Variants in COL5A1 observed in about 807,000 individuals in gnomAD.
The protein encoded by COL5A1 is collagen type V alpha 1 chain.
Under a neutral mutation model 263.7 loss-of-function variants are expected in COL5A1, and 16 were observed. The ratio of observed to expected loss-of-function variants is 0.06; its 90% CI spans 0.04 to 0.09. COL5A1 has a LOEUF of 0.09. Ranked by LOEUF, COL5A1 falls within the 10% of genes least tolerant of loss-of-function variation. COL5A1 has a pLI of 1.00. For synonymous variants in COL5A1, 1,012 were observed against 1,004.5 expected (o/e 1.01, Z -0.14); for missense variants, 2,036 against 2,540.5 (o/e 0.80, Z 4.27).
intron 4 of COL5A1, among the ~76,000 whole-genome samples, chr9:134,715,260 G>A (rs529729524): frequency 6.6e-6 from 1 of 152,258 alleles, no homozygotes; most frequent in East Asian, 1.9e-4. Context: ...ATACATAAAC[G>A]TATCTGGTGC....
In COL5A1 at chr9:134,789,043, G is replaced by A. The variant is rs186436448; in HGVS notation, c.2647-112G>A. The A allele has an allele frequency of 1.8e-4, 167 of 905,960 alleles. No individual in the cohort carries two copies. In the African/African-American group the frequency reaches 2.5e-3, roughly 14 times the overall value. 56.1% of individuals were successfully genotyped at this position (905,960 alleles called of 1,614,324 possible). ...GGGTGGTTGGGTGGGTGGGCAGGTG[G>A]AGTCTGGGGCAGAGGCTGTGCACTG... is the stretch of plus-strand genomic sequence containing the variant. On this transcript the variant is annotated intron_variant, in intron 31 of 65. Coordinates refer to ENST00000371817, the MANE Select transcript of COL5A1 (RefSeq NM_000093.5). This position sits in a 1 kb window ranked among gnomAD's most constrained non-coding sequence, Gnocchi z 4.8.
intron 18 of COL5A1, among the ~76,000 whole-genome samples, chr9:134,759,889 GCACA>G (rs1182466684): frequency 4.9e-5 from 3 of 60,832 alleles, no homozygotes; most frequent in African/African-American, 7.0e-5. Context: ...CACCACACAG[GCACA>G]CACACACCCA....
intron 37 of COL5A1, among the ~76,000 whole-genome samples, chr9:134,799,353 G>T (rs1838029537): frequency 6.6e-6 from 1 of 152,250 alleles, no homozygotes; most frequent in Non-Finnish European, 1.5e-5. Flanking sequence ...GGGGCTCCAG[G>T]CTCTGAATAT....
intron 25 of COL5A1, among the ~76,000 whole-genome samples, chr9:134,770,503 A>T (rs770206194): frequency 6.6e-6 from 1 of 152,222 alleles, no homozygotes; most frequent in Non-Finnish European, 1.5e-5. Flanking sequence ...ATACTCCGTG[A>T]CATGAGAAAA....
intron 21 of COL5A1, among the ~76,000 whole-genome samples, 192 bp from the exon 22 acceptor site, chr9:134,766,262 G>C (rs538625230): frequency 6.6e-6 from 1 of 152,274 alleles, no homozygotes; most frequent in African/African-American, 2.4e-5. Flanking sequence ...TTTAGCTGAG[G>C]GTTACTGGGG....
chr9:134,705,748 C>T (rs1833816177), intron 4 of COL5A1, among the ~76,000 whole-genome samples: 1 of 152,150 alleles, frequency 6.6e-6, no homozygotes, highest in African/African-American at 2.4e-5. Flanking sequence ...TGACAATGGG[C>T]CAGAGGTGGC....
chr9:134,715,300 T>A (rs1404959748), intron 4 of COL5A1, among the ~76,000 whole-genome samples: 1 of 152,198 alleles, frequency 6.6e-6, no homozygotes, highest in East Asian at 1.9e-4. Flanking sequence ...CCAGCATGTC[T>A]CACCTCCAGC....
rs140744620 is a variant in COL5A1 at position 134,842,222 on chromosome 9, C to G, written c.5436C>G (p.Ile1812Met). The G allele has an allele frequency of 6.2e-7, 1 of 1,614,206 alleles. No homozygotes were observed. The highest frequency in any genetic ancestry group is 1.3e-5 in the African/African-American group (1 of 75,050). ...IDTPKVEQVP[I>M]VDIMFNDFGE... ...CCCCCAAAGTGGAGCAGGTGCCCAT[C>G]GTGGACATCATGTTCAATGACTTCG... Residue 1812 changes from isoleucine (I) to methionine (M), a missense_variant, in exon 66 of 66, where the codon ATC becomes ATG. This residue lies in a region of COL5A1 where 358 missense variants were observed against 384.6 expected (regional missense o/e 0.93). Coordinates refer to ENST00000371817, the MANE Select transcript of COL5A1 (RefSeq NM_000093.5). This position sits in a 1 kb window ranked among gnomAD's most constrained non-coding sequence, Gnocchi z 5.8.
At chr9:134,831,891 T>C (rs148093754) in intron 64 of COL5A1, among the ~76,000 whole-genome samples, 38 of 152,304 alleles carry the variant, frequency 2.5e-4, no homozygotes, top group Non-Finnish European at 5.0e-4. Flanking sequence ...CAGCTTACTT[T>C]AGGATCTTTC....
At chr9:134,771,739 C>T (rs910542617) in intron 25 of COL5A1, among the ~76,000 whole-genome samples, 17 of 152,158 alleles carry the variant, frequency 1.1e-4, no homozygotes, top group African/African-American at 3.9e-4. Flanking sequence ...AAGCGGGAGG[C>T]CCAGAGAGGG....
intron 1 of COL5A1, among the ~76,000 whole-genome samples, chr9:134,661,353 TCAAGGGGTCCC>T: frequency 6.6e-6 from 1 of 151,640 alleles, no homozygotes; most frequent in South Asian, 2.1e-4. Context: ...CCCAGATCTT[TCAAGGGGTCCC>T]CAAGCAGATG....
At chr9:134,729,075 C>A (rs1009255478) in intron 6 of COL5A1, among the ~76,000 whole-genome samples, 2 of 152,178 alleles carry the variant, frequency 1.3e-5, no homozygotes, top group Non-Finnish European at 2.9e-5. Flanking sequence ...GGCCCCGGTC[C>A]CCACCCTGTA....
At position 134,738,500 on chromosome 9, in the gene COL5A1, C is replaced by G; in HGVS notation, c.1416C>G (p.Gly472=). 1 of 1,614,050 alleles carries G rather than the reference C, an allele frequency of 6.2e-7. No individual in the cohort carries two copies. ...EPGMLIEGPP[G]PEGPAGLPGP... is the part of the protein sequence containing the mutation. ...GCATGCTCATCGAGGGCCCGCCTGG[C>G]CCAGAAGGCCCCGCGGTGAGTATCC... Residue 472 remains glycine, a synonymous_variant, in exon 10 of 66, where the codon GGC becomes GGG. Transcript: ENST00000371817.
chr9:134,703,861 G>C (rs184594743), intron 4 of COL5A1, among the ~76,000 whole-genome samples: 16 of 151,930 alleles, frequency 1.1e-4, no homozygotes, highest in East Asian at 5.8e-4. Context: ...GGATGGTCTC[G>C]ATCTCCTGAC....
chr9:134,748,420 CACACACTT>C (rs1369836386), intron 11 of COL5A1, among the ~76,000 whole-genome samples: 3 of 152,218 alleles, frequency 2.0e-5, no homozygotes, highest in Non-Finnish European at 4.4e-5. Flanking sequence ...CATACATGCA[CACACACTT>C]ACACACATGC....
intron 2 of COL5A1, among the ~76,000 whole-genome samples, chr9:134,698,343 C>T (rs1833556366): frequency 1.3e-5 from 2 of 152,388 alleles, no homozygotes; most frequent in African/African-American, 4.8e-5. Context: ...CTGGGCAGCC[C>T]TGTTCCCTGT....
At chr9:134,736,729 A>G (rs973899404) in intron 9 of COL5A1, among the ~76,000 whole-genome samples, 1 of 152,256 alleles carries the variant, frequency 6.6e-6, no homozygotes, top group Admixed American at 6.5e-5. Context: ...GGCTCAAATT[A>G]TCTATCTTGA....
intron 18 of COL5A1, among the ~76,000 whole-genome samples, chr9:134,759,548 CACACTCAT>C (rs1423242333): frequency 7.5e-6 from 1 of 133,920 alleles, no homozygotes; most frequent in East Asian, 2.5e-4. Context: ...CATGCGCACA[CACACTCAT>C]ACACACATGC....
chr9:134,817,198 C>G (rs914847832), intron 53 of COL5A1, 119 bp downstream of exon 53: 3 of 883,620 alleles, frequency 3.4e-6, no homozygotes, highest in African/African-American at 3.3e-5. Flanking sequence ...AGGAAGGGCT[C>G]GGGTGTGGCA....
Sources: gnomAD v4.1 joint callset for allele counts (sites outside exome capture counted in the v4.1 genomes callset) on GRCh38, gnomAD v4.1.1 for gene constraint, gnomAD v4.1.1 regional missense constraint, Gnocchi (gnomAD v3.1) non-coding constraint, MANE v1.5 for transcripts, NCBI Gene and HGNC (gene_info 2026-07-23, HGNC 2026-07-21) for gene names.